PCYT1B: variants seen among roughly 807,000 people sequenced by gnomAD.
PCYT1B encodes choline-phosphate cytidylyltransferase B.
PCYT1B carries 10 observed loss-of-function variants against 26.4 expected under a neutral mutation model. The ratio of observed to expected loss-of-function variants is 0.38; its 90% CI spans 0.23 to 0.64. PCYT1B has a LOEUF of 0.64. Ranked by LOEUF, PCYT1B falls within the 30% of genes least tolerant of loss-of-function variation. PCYT1B has a pLI of 0.56. For synonymous variants in PCYT1B, 131 were observed against 108.4 expected (o/e 1.21, Z -1.29); for missense variants, 161 against 292.7 (o/e 0.55, Z 3.28).
Position 24,561,228 on chromosome X carries a change from C to T in PCYT1B, c.*1065G>A, listed in dbSNP as rs7060633. 9.0e-4 allele frequency: 101 copies of T among 112,145 alleles called. No homozygotes were observed. The highest frequency in any genetic ancestry group is 3.3e-3 in the African/African-American group (101 of 30,730). The allele number at this position is 112,145 out of a possible 1,213,427, so 9.2% of individuals were successfully genotyped here. ...ATTTCAGAGGAGTATTATGGTGGAG[C>T]GCAGGAGTGGGGTCTATTATAAAAT... On this transcript the variant is annotated 3_prime_UTR_variant, in exon 8 of 8. Transcript: ENST00000379144.
chrX:24,665,487 C>T lies in PCYT1B; in HGVS notation c.63+7083G>A, dbSNP rs945484766. 9.0e-5 allele frequency among the ~76,000 whole-genome samples: 10 copies of T among 110,607 alleles called. No homozygotes were observed. The East Asian group carries it at 1.7e-3, about 19-fold the overall frequency. The stretch of plus-strand genomic sequence containing the variant: ...TGTATTTTTAGTAGAGACAGGGTTT[C>T]GCCATGTTGACCAGGCTGGTCTCGA... On this transcript the variant is annotated intron_variant, in intron 1 of 7. Coordinates refer to the PCYT1B transcript ENST00000379145.
At chrX:24,581,050 C>T (rs764994421) in intron 5 of PCYT1B, among the ~76,000 whole-genome samples, 188 of 111,922 alleles carry the variant, frequency 1.7e-3, no homozygotes, top group Non-Finnish European at 3.0e-3. Context: ...ACCAATTCAA[C>T]ACCATCTTGG....
At chrX:24,618,943 G>C in intron 2 of PCYT1B, 42 bp downstream of exon 2, 1 of 895,771 alleles carries the variant, frequency 1.1e-6, no homozygotes, top group Non-Finnish European at 1.5e-6. Flanking sequence ...ACTTTAAAAT[G>C]TCAAGACAGG....
intron 1 of PCYT1B, among the ~76,000 whole-genome samples, chrX:24,643,434 C>A (rs573339162): frequency 1.8e-5 from 2 of 111,956 alleles, no homozygotes; most frequent in African/African-American, 6.5e-5. Flanking sequence ...AACATTGTAA[C>A]AATGTAAAGA....
At chrX:24,593,608 C>A (rs1033404982) in intron 3 of PCYT1B, among the ~76,000 whole-genome samples, 3 of 108,293 alleles carry the variant, frequency 2.8e-5, no homozygotes, top group East Asian at 2.9e-4. Context: ...CTCACTGCAA[C>A]CTTCACCTTC....
Position 24,562,130 on chromosome X carries a change from TGA to T in PCYT1B, c.*161_*162del, listed in dbSNP as rs1288459093. ...CCCAACTCTTCAGCTGTACGGAGAG[TGA>T]GAGAGAACTGGTCCCAAGACCTTCC... On this transcript the variant is annotated 3_prime_UTR_variant, in exon 8 of 8. Coordinates refer to ENST00000379144, the MANE Select transcript of PCYT1B (RefSeq NM_004845.5). 11 of 1,208,188 alleles carry T rather than the reference TGA, an allele frequency of 9.1e-6. No individual in the cohort carries two copies. Among genetic ancestry groups the T allele is most frequent in the African/African-American group, 3.5e-5 (2 of 56,937 alleles).
chrX:24,580,041 G>A (rs1924157941), intron 5 of PCYT1B, among the ~76,000 whole-genome samples: 1 of 112,137 alleles, frequency 8.9e-6, no homozygotes, highest in Non-Finnish European at 1.9e-5. Flanking sequence ...TGGGTGTGGT[G>A]GTGCACGCCT....
In PCYT1B at chrX:24,581,366, T is replaced by C. The variant is rs779585445; in HGVS notation, c.566-1908A>G. Among the ~76,000 whole-genome samples the C allele has an allele frequency of 1.9e-4, 21 of 111,850 alleles. No homozygotes were observed. The South Asian group carries it at 3.8e-3, about 20-fold the overall frequency. ...AGGGGGGGACTGCTGTTGTATTCTG[T>C]GGAGCTGTGCAGTAGGCTGACCCTG... On this transcript the variant is annotated intron_variant, in intron 5 of 7. Coordinates refer to ENST00000379144, the MANE Select transcript of PCYT1B (RefSeq NM_004845.5).
chrX:24,672,714 C>T, upstream of PCYT1B: 3 of 773,004 alleles, frequency 3.9e-6, no homozygotes, highest in Non-Finnish European at 5.8e-6. Context: ...ATTTTTGTTG[C>T]TCACTTGACC....
chrX:24,600,176 G>A (rs918360452), intron 3 of PCYT1B, among the ~76,000 whole-genome samples: 1 of 111,371 alleles, frequency 9.0e-6, no homozygotes, highest in South Asian at 3.8e-4. Flanking sequence ...CAAAGTGCTG[G>A]GATTACAGGC....
At chrX:24,596,664 C>A (rs1258948927) in intron 3 of PCYT1B, among the ~76,000 whole-genome samples, 2 of 109,790 alleles carry the variant, frequency 1.8e-5, no homozygotes, top group African/African-American at 6.6e-5. Context: ...CCTTTTACTG[C>A]CTAAGGTTGA....
rs144270892 is a variant in PCYT1B at position 24,593,037 on chromosome X, C to T, written c.335-2863G>A. Among the ~76,000 whole-genome samples the T allele has an allele frequency of 3.6e-5, 4 of 111,612 alleles. No homozygotes were observed. In the East Asian group the frequency reaches 1.1e-3, roughly 32 times the overall value. ...CAAGCGATTCTCCTGCCTCAGCCTC[C>T]CAAGTAGACCCACCCTCTTCTGAAT... On this transcript the variant is annotated intron_variant, in intron 3 of 7. Coordinates refer to ENST00000379144, the MANE Select transcript of PCYT1B (RefSeq NM_004845.5).
At chrX:24,670,878 C>T (rs911206672) in intron 1 of PCYT1B, among the ~76,000 whole-genome samples, 7 of 111,528 alleles carry the variant, frequency 6.3e-5, no homozygotes, top group East Asian at 2.8e-4. Flanking sequence ...TATCAGAATA[C>T]GGAGTGATAT....
chrX:24,660,791 T>C (rs778315863), intron 1 of PCYT1B, among the ~76,000 whole-genome samples: 1 of 111,470 alleles, frequency 9.0e-6, no homozygotes, highest in East Asian at 2.8e-4. Context: ...AGATATTCTC[T>C]TGAGTAAGCA....
At chrX:24,669,501 GAAAAAAAA>G (rs60562762) in intron 1 of PCYT1B, among the ~76,000 whole-genome samples, 10 of 31,555 alleles carry the variant, frequency 3.2e-4, no homozygotes, top group African/African-American at 7.0e-4. Context: ...CTTCGTCTCA[GAAAAAAAA>G]AAAAAAAAAA....
At chrX:24,572,597 G>A (rs888370747) in intron 7 of PCYT1B, among the ~76,000 whole-genome samples, 1 of 110,871 alleles carries the variant, frequency 9.0e-6, no homozygotes, top group East Asian at 2.8e-4. Flanking sequence ...CACAAATAAG[G>A]AATTATTATA....
intron 3 of PCYT1B, among the ~76,000 whole-genome samples, chrX:24,607,099 A>G (rs1205771883): frequency 8.9e-6 from 1 of 112,066 alleles, no homozygotes; most frequent in Non-Finnish European, 1.9e-5. Context: ...CCTTTTAGCC[A>G]AAAAGAAATA....
intron 2 of PCYT1B, among the ~76,000 whole-genome samples, chrX:24,613,038 C>A (rs1036701985): frequency 1.8e-5 from 2 of 111,958 alleles, no homozygotes; most frequent in African/African-American, 6.5e-5. Flanking sequence ...GTAGACTTAT[C>A]ATTTCATGGA....
chrX:24,624,103 G>T (rs1251713456), intron 1 of PCYT1B, among the ~76,000 whole-genome samples: 2 of 108,183 alleles, frequency 1.8e-5, no homozygotes, highest in East Asian at 2.9e-4. Context: ...CCAAGTAGCT[G>T]GGACTACAGG....
Sources: gnomAD v4.1 joint callset for allele counts (sites outside exome capture counted in the v4.1 genomes callset) on GRCh38, gnomAD v4.1.1 for gene constraint, MANE v1.5 for transcripts, NCBI Gene and HGNC (gene_info 2026-07-23, HGNC 2026-07-21) for gene names.